Variants in SLC9B1 observed in about 807,000 individuals in gnomAD.
SLC9B1 encodes sodium/hydrogen exchanger 9B1.
A neutral mutation model predicts 51.7 loss-of-function variants in SLC9B1; 32 were observed. That is an observed-to-expected ratio of 0.62 (90% confidence interval 0.47 to 0.83). The LOEUF (loss-of-function observed/expected upper bound fraction) is 0.83. Ranked by LOEUF, SLC9B1 falls within the 40% of genes least tolerant of loss-of-function variation. The pLI, the probability that SLC9B1 is intolerant of heterozygous loss-of-function variation, is 0.00. For missense variants in SLC9B1, 406 were observed against 613.2 expected, an observed-to-expected ratio of 0.66 and a Z score of 3.57; for synonymous variants, 145 against 212.7, an observed-to-expected ratio of 0.68 and a Z score of 2.77.
chr4:102,940,334 C>T (rs1440911607), intron 6 of SLC9B1, among the ~76,000 whole-genome samples: 7 of 151,998 alleles, frequency 4.6e-5, no homozygotes, highest in South Asian at 2.1e-4. Flanking sequence ...AAATTACAAA[C>T]GAGTGCTCAA....
rs1378579325 is a variant in SLC9B1 at position 102,954,446 on chromosome 4, G to A, written c.212-5019C>T. Among the ~76,000 whole-genome samples the A allele has an allele frequency of 4.9e-5, 2 of 40,786 alleles. 1 individual carries two copies. The highest frequency in any genetic ancestry group is 8.9e-5 in the Non-Finnish European group (2 of 22,380). 26.8% of individuals were successfully genotyped at this position (40,786 alleles called of 152,430 possible). A position where few individuals can be genotyped will look rare whatever the true frequency, so the allele number is the denominator to read the frequency against. On this transcript the variant is annotated intron_variant, in intron 3 of 11. Transcript: ENST00000296422. The stretch of plus-strand genomic sequence containing the variant: ...GTCTAAAATTCTCTTTTTTGGTTGT[G>A]TCTCAGGCAAAAATAAAATCTTAAA...
chr4:102,915,551 C>T (rs1259490496), intron 7 of SLC9B1, among the ~76,000 whole-genome samples: 2 of 152,116 alleles, frequency 1.3e-5, no homozygotes, highest in Non-Finnish European at 1.5e-5. Flanking sequence ...TGCACCACCA[C>T]ACTCAGATAA....
At chr4:102,911,322 GT>G in intron 8 of SLC9B1, 108 bp downstream of exon 8, 1 of 744,162 alleles carries the variant, frequency 1.3e-6, no homozygotes, top group Non-Finnish European at 2.2e-6. Flanking sequence ...TTGGAGGCTA[GT>G]TTTAGAGAAA....
At chr4:102,919,106 C>G (rs1735731799) in intron 7 of SLC9B1, among the ~76,000 whole-genome samples, 1 of 152,192 alleles carries the variant, frequency 6.6e-6, no homozygotes, top group Non-Finnish European at 1.5e-5. Flanking sequence ...GCCTCCAACC[C>G]TGTGACGGGA....
chr4:102,928,899 A>G lies in SLC9B1; in HGVS notation c.829+3225T>C, dbSNP rs148582603. Among the ~76,000 whole-genome samples the G allele has an allele frequency of 7.0e-3, 1,071 of 152,270 alleles. 5 individuals are homozygous for G. The highest frequency in any genetic ancestry group is 0.024 in the Middle Eastern group (7 of 294). On this transcript the variant is annotated intron_variant, in intron 7 of 11. Transcript: ENST00000296422. ...CAAAAGCCAAAGAACCTGGAGTCTG[A>G]TATTTGAGTGCAGGAAGCATCCAGC...
chr4:102,950,477 T>G (rs1244099410), intron 3 of SLC9B1, among the ~76,000 whole-genome samples: 6 of 152,230 alleles, frequency 3.9e-5, no homozygotes, highest in Non-Finnish European at 8.8e-5. Flanking sequence ...TACCTTTATT[T>G]GCTATGAATC....
chr4:102,973,523 TA>T (rs1738871672), intron 3 of SLC9B1, among the ~76,000 whole-genome samples: 1 of 152,068 alleles, frequency 6.6e-6, no homozygotes, highest in South Asian at 2.1e-4. Context: ...ACCACCGTAT[TA>T]AAAAAGCTTA....
chr4:102,977,984 G>C (rs1306724001), intron 3 of SLC9B1, among the ~76,000 whole-genome samples: 4 of 152,004 alleles, frequency 2.6e-5, no homozygotes, highest in African/African-American at 9.7e-5. Flanking sequence ...ACCATCCCTG[G>C]TGTGTGATGT....
intron 1 of SLC9B1, among the ~76,000 whole-genome samples, chr4:103,007,380 A>G (rs1170162734): frequency 6.6e-6 from 1 of 152,200 alleles, no homozygotes; most frequent in Non-Finnish European, 1.5e-5. Context: ...AACAGCCACA[A>G]AAAGAAAATA....
intron 2 of SLC9B1, among the ~76,000 whole-genome samples, chr4:102,991,346 T>C (rs1318145180): frequency 1.3e-5 from 2 of 152,082 alleles, no homozygotes; most frequent in African/African-American, 4.8e-5. Flanking sequence ...TTTACCTCTG[T>C]TAGTTTAAGT....
intron 1 of SLC9B1, among the ~76,000 whole-genome samples, chr4:103,001,120 T>C (rs1740503290): frequency 6.6e-6 from 1 of 152,244 alleles, no homozygotes; most frequent in African/African-American, 2.4e-5. Context: ...TTTCACCCTC[T>C]TGAAGCAACA....
intron 3 of SLC9B1, among the ~76,000 whole-genome samples, chr4:102,954,576 C>G (rs2110481383): frequency 6.6e-6 from 1 of 152,108 alleles, no homozygotes; most frequent in South Asian, 2.1e-4. Flanking sequence ...ATAAAGTCTT[C>G]AAAGTACAGA....
chr4:102,891,395 A>G (rs1734242762), intron 11 of SLC9B1: 1 of 152,228 alleles, frequency 6.6e-6, no homozygotes, highest in Admixed American at 6.5e-5. Context: ...TAAGGTGAAC[A>G]TTAAAGGCAT....
At chr4:103,011,114 T>C (rs1396931866) in intron 1 of SLC9B1, among the ~76,000 whole-genome samples, 2 of 152,194 alleles carry the variant, frequency 1.3e-5, no homozygotes, top group African/African-American at 4.8e-5. Context: ...AAGCAAGTTA[T>C]ATCATTCTAA....
chr4:102,977,991 A>T (rs559862160), intron 3 of SLC9B1, among the ~76,000 whole-genome samples: 162 of 152,076 alleles, frequency 1.1e-3, no homozygotes, highest in African/African-American at 3.7e-3. Flanking sequence ...CTGGTGTGTG[A>T]TGTTCCCCTT....
intron 1 of SLC9B1, among the ~76,000 whole-genome samples, chr4:103,001,567 C>T (rs537516517): frequency 6.6e-6 from 1 of 152,282 alleles, no homozygotes; most frequent in East Asian, 1.9e-4. Flanking sequence ...ATCTTTGGTC[C>T]AGTTCCAATA....
Position 102,936,865 on chromosome 4 carries a change from G to A in SLC9B1, c.654-4566C>T, listed in dbSNP as rs551574914. On this transcript the variant is annotated intron_variant, in intron 6 of 11. Transcript: ENST00000296422. The stretch of plus-strand genomic sequence containing the variant: ...CACAAAAATTTCCCAAATCTTGCTA[G>A]AGAAGTCACCATTTAAATCCAGGAA... 1.4e-4 allele frequency among the ~76,000 whole-genome samples: 21 copies of A among 152,278 alleles called. No homozygotes were observed. In the East Asian group the frequency reaches 3.7e-3, roughly 27 times the overall value.
intron 3 of SLC9B1, among the ~76,000 whole-genome samples, chr4:102,972,506 A>G (rs554969246): frequency 1.3e-5 from 2 of 152,172 alleles, no homozygotes; most frequent in Non-Finnish European, 2.9e-5. Flanking sequence ...TCGGCCTCCC[A>G]AAGTGCTAGG....
intron 3 of SLC9B1, among the ~76,000 whole-genome samples, chr4:102,974,096 G>C (rs1393231237): frequency 6.6e-6 from 1 of 151,854 alleles, no homozygotes; most frequent in Admixed American, 6.6e-5. Flanking sequence ...AATTAGCTGG[G>C]TGTGGTGGCA....
Sources: allele counts gnomAD v4.1 joint callset (sites outside exome capture counted in the v4.1 genomes callset), GRCh38; gene constraint gnomAD v4.1.1; transcripts MANE v1.5; gene names NCBI Gene and HGNC (gene_info 2026-07-23, HGNC 2026-07-21).